The following ABCA13 variants were observed in gnomAD, a reference collection of about 807,000 sequenced individuals.
ABCA13 encodes the protein ATP-binding cassette sub-family A member 13.
In ABCA13, 476 loss-of-function variants were observed where a neutral mutation model predicts 478.7. The ratio of observed to expected loss-of-function variants is 0.99; its 90% CI spans 0.92 to 1.07. ABCA13 has a LOEUF of 1.07. Among genes scored for constraint, ABCA13 ranks in the 50% least tolerant of loss-of-function variants. The pLI is 0.00. For missense variants in ABCA13, 6,060 were observed against 5,910.6 expected, an observed-to-expected ratio of 1.03 and a Z score of -0.83; for synonymous variants, 2,252 against 2,158.9, an observed-to-expected ratio of 1.04 and a Z score of -1.20.
At chr7:48,407,316 A>G (rs1818394879) in intron 39 of ABCA13, among the ~76,000 whole-genome samples, 1 of 151,750 alleles carries the variant, frequency 6.6e-6, no homozygotes, top group African/African-American at 2.4e-5. Flanking sequence ...TCTACTAAAA[A>G]TACAAAAAAA....
chr7:48,455,187 TGGCCATG>T lies in ABCA13; in HGVS notation c.12720_12726del (p.Met4241CysfsTer4). On this transcript the variant is annotated frameshift_variant, in exon 43 of 62. Transcript: ENST00000435803. LOFTEE classifies it high-confidence loss of function. ...CTGCTGCCAGTCCTCTTCGTGGCCT[TGGCCATG>T]GGCTTGTTCATGGTGAGACCCCTGG... 1.9e-6 allele frequency: 3 copies of T among 1,591,160 alleles called. No individual in the cohort carries two copies. The highest frequency in any genetic ancestry group is 2.6e-6 in the Non-Finnish European group (3 of 1,169,126).
chr7:48,403,712 A>C lies in ABCA13; in HGVS notation c.11903A>C (p.His3968Pro). Residue 3968 changes from histidine (H) to proline (P), a missense_variant, in exon 39 of 62, where the codon CAT (histidine) becomes CCT (proline). Around this residue, in one of 3 missense-constraint regions of ABCA13, gnomAD observed 1,627 missense variants for 1,571.0 expected, o/e 1.04. Coordinates refer to ENST00000435803, the MANE Select transcript of ABCA13 (RefSeq NM_152701.5). ...QTLQDVDLTQ[H>P]QHKQTRALSG... is the part of the protein sequence containing the mutation. ...CTTCAGGATGTGGACTTAACTCAGC[A>C]TCAGCACAAACAGACCCGAGCTCTG... 6.2e-7 allele frequency: 1 copy of C among 1,614,012 alleles called. No homozygotes were observed. The highest frequency in any genetic ancestry group is 2.2e-5 in the East Asian group (1 of 44,880).
chr7:48,518,117 C>A (rs1288408743), intron 52 of ABCA13, among the ~76,000 whole-genome samples: 1 of 152,156 alleles, frequency 6.6e-6, no homozygotes, highest in African/African-American at 2.4e-5. Flanking sequence ...ATTATTGACA[C>A]TGATTTATAT....
chr7:48,240,940 TC>T lies in ABCA13; in HGVS notation c.1137del (p.Arg380GlyfsTer24). On this transcript the variant is annotated frameshift_variant, in exon 10 of 62. Transcript: ENST00000435803. LOFTEE classifies it high-confidence loss of function. The part of the protein sequence containing the change: ...LTGMGHSLEA[L>X]RNQFEEESKP... Reference sequence around the variant, plus strand: ...GGCATGGGCCATAGTCTGGAGGCTCTCAGGAATCAGTTTGAAGAAGAGAGCA... The same window carrying T: ...GGCATGGGCCATAGTCTGGAGGCTCTAGGAATCAGTTTGAAGAAGAGAGCA... The T allele has an allele frequency of 6.2e-7, 1 of 1,613,500 alleles. No individual in the cohort carries two copies. The highest frequency in any genetic ancestry group is 1.3e-5 in the African/African-American group (1 of 75,068).
intron 57 of ABCA13, among the ~76,000 whole-genome samples, chr7:48,588,501 G>A (rs1435395220): frequency 6.6e-6 from 1 of 152,172 alleles, no homozygotes; most frequent in Non-Finnish European, 1.5e-5. Flanking sequence ...CTTGCTCTCA[G>A]CTTTCCTTGG....
intron 43 of ABCA13, among the ~76,000 whole-genome samples, chr7:48,462,310 A>T (rs1022321061): frequency 4.6e-5 from 7 of 152,004 alleles, no homozygotes; most frequent in African/African-American, 1.7e-4. Flanking sequence ...GAGTGATATG[A>T]GGGGGATTAT....
intron 55 of ABCA13, among the ~76,000 whole-genome samples, chr7:48,575,594 G>C (rs1383081611): frequency 6.6e-6 from 1 of 151,680 alleles, no homozygotes; most frequent in African/African-American, 2.4e-5. Flanking sequence ...CCATTGACAT[G>C]ATGAGTAAGA....
intron 23 of ABCA13, among the ~76,000 whole-genome samples, chr7:48,308,551 C>T (rs765060426): frequency 2.8e-4 from 42 of 152,046 alleles, no homozygotes; most frequent in Non-Finnish European, 5.4e-4. Flanking sequence ...TTGAATAATA[C>T]GCCAGGCTAC....
chr7:48,408,158 C>T lies in ABCA13; in HGVS notation c.12071-2362C>T, dbSNP rs1034548985. Among the ~76,000 whole-genome samples the T allele has an allele frequency of 5.9e-5, 9 of 152,290 alleles. No individual in the cohort carries two copies. In the South Asian group the frequency reaches 1.4e-3, roughly 25 times the overall value. ...TACTAACTGTAGTCACCATGCTGTA[C>T]AATAGATCTCTAGAATTTGTTCATC... On this transcript the variant is annotated intron_variant, in intron 39 of 61. Transcript: ENST00000435803.
chr7:48,384,794 T>C (rs745426942), intron 35 of ABCA13, among the ~76,000 whole-genome samples: 1 of 152,192 alleles, frequency 6.6e-6, no homozygotes, highest in Non-Finnish European at 1.5e-5. Context: ...AAGTCTGAGA[T>C]CAAGGTGTAG....
At chr7:48,371,917 C>A (rs772149327) in intron 32 of ABCA13, among the ~76,000 whole-genome samples, 93 of 152,214 alleles carry the variant, frequency 6.1e-4, no homozygotes, top group Admixed American at 1.7e-3. Flanking sequence ...ATGATATTGG[C>A]GACGGGTTTG....
chr7:48,236,044 A>C (rs779861289), intron 8 of ABCA13, among the ~76,000 whole-genome samples: 22 of 152,224 alleles, frequency 1.4e-4, no homozygotes, highest in Admixed American at 3.3e-4. Flanking sequence ...TTTTCAAGTC[A>C]TGATGGGTTG....
intron 59 of ABCA13, among the ~76,000 whole-genome samples, chr7:48,633,939 G>GATAGATACATAGATAGATAC (rs142671361): frequency 1.0e-5 from 1 of 99,836 alleles, no homozygotes; most frequent in Non-Finnish European, 2.3e-5. Context: ...TACATAGATA[G>GATAGATACATAGATAGATAC]ATAGATAGAT....
chr7:48,489,227 T>G lies in ABCA13; in HGVS notation c.13183-9T>G. 1 of 1,591,570 alleles carries G rather than the reference T, an allele frequency of 6.3e-7. No homozygotes were observed. The highest frequency in any genetic ancestry group is 8.6e-7 in the Non-Finnish European group (1 of 1,163,442). ...CGTGAGAGCCATTAAATTATCTTTC[T>G]TTTTTTAGGTGTGGTATAATCAGAA... On this transcript the variant is annotated splice_polypyrimidine_tract_variant and intron_variant, in intron 47 of 61. Transcript: ENST00000435803.
At position 48,410,648 on chromosome 7, in the gene ABCA13, C is replaced by T. The variant is rs759701806; in HGVS notation, c.12199C>T (p.Gln4067Ter). The T allele has an allele frequency of 1.2e-6, 2 of 1,613,966 alleles. No individual in the cohort carries two copies. The highest frequency in any genetic ancestry group is 1.7e-6 in the Non-Finnish European group (2 of 1,179,848). The change falls in exon 40 of 62, where the codon CAG becomes TAG. Residue 4067 changes from glutamine (Q) to a stop codon, truncating the protein, a stop_gained. Coordinates refer to ENST00000435803, the MANE Select transcript of ABCA13 (RefSeq NM_152701.5). LOFTEE classifies it high-confidence loss of function. ...PPFCLKEAYG[Q>*]GLRLTLTRQP... The stretch of plus-strand genomic sequence containing the variant: ...CTTCTGCCTGAAGGAGGCATATGGC[C>T]AGGGGCTCCGCCTGACACTCACGAG...
intron 32 of ABCA13, among the ~76,000 whole-genome samples, chr7:48,371,141 T>C (rs1396036641): frequency 6.6e-6 from 1 of 152,198 alleles, no homozygotes; most frequent in African/African-American, 2.4e-5. Flanking sequence ...GGTTTATGTG[T>C]CTGTTTTTGC....
chr7:48,201,451 G>A (rs935787726), intron 3 of ABCA13, among the ~76,000 whole-genome samples: 13 of 149,666 alleles, frequency 8.7e-5, no homozygotes, highest in Non-Finnish European at 1.8e-4. Flanking sequence ...ACACAGAGGA[G>A]ACCAACTCGT....
intron 55 of ABCA13, among the ~76,000 whole-genome samples, chr7:48,539,832 AACTTATATG>A (rs1329126975): frequency 2.6e-5 from 4 of 152,220 alleles, no homozygotes; most frequent in Non-Finnish European, 4.4e-5. Flanking sequence ...AACTGCAACT[AACTTATATG>A]AAGAAAATTG....
At position 48,275,221 on chromosome 7, in the gene ABCA13, A is replaced by G; in HGVS notation, c.5555A>G (p.Tyr1852Cys). 1.9e-6 allele frequency: 3 copies of G among 1,613,844 alleles called. No individual in the cohort carries two copies. The highest frequency in any genetic ancestry group is 4.5e-5 in the East Asian group (2 of 44,866). Residue 1852 changes from tyrosine (Y) to cysteine (C), a missense_variant, in exon 17 of 62, where the codon TAT (tyrosine) becomes TGT (cysteine). Physicochemically the swap from Tyr to Cys is radical, Grantham distance 194. Transcript: ENST00000435803. ...NVHGLMSSSF[Y>C]GKVASILDHF... ...CATGGGCTCATGTCTTCTTCCTTTT[A>G]TGGCAAAGTGGCCAGTATACTTGAT... is the stretch of plus-strand genomic sequence containing the variant.
Sources: allele counts gnomAD v4.1 joint callset (sites outside exome capture counted in the v4.1 genomes callset), GRCh38; gene constraint gnomAD v4.1.1; regional missense constraint gnomAD v4.1.1; transcripts MANE v1.5; gene names NCBI Gene and HGNC (gene_info 2026-07-23, HGNC 2026-07-21).